Variants in ANKS1B observed in about 807,000 individuals in gnomAD.
ANKS1B encodes ankyrin repeat and sterile alpha motif domain containing 1B, also known as ankyrin repeat and sterile alpha motif domain-containing protein 1B.
A neutral mutation model predicts 148.3 loss-of-function variants in ANKS1B; 36 were observed. That is an observed-to-expected ratio of 0.24 (90% CI 0.19 to 0.32). The LOEUF (loss-of-function observed/expected upper bound fraction) is 0.32. Among genes scored for constraint, ANKS1B ranks in the 10% least tolerant of loss-of-function variants. ANKS1B has a pLI of 1.00. For missense variants in ANKS1B, 1,157 were observed against 1,542.6 expected (o/e 0.75, Z 4.19); for synonymous variants, 542 against 560.8 (o/e 0.97, Z 0.47).
chr12:99,312,029 G>T (rs1376692832), intron 12 of ANKS1B, among the ~76,000 whole-genome samples: 1 of 152,122 alleles, frequency 6.6e-6, no homozygotes, highest in Non-Finnish European at 1.5e-5. Context: ...GAAGCATTTG[G>T]AGAAATTTTA....
chr12:99,979,299 C>T (rs2095664918), intron 1 of ANKS1B, among the ~76,000 whole-genome samples: 1 of 151,980 alleles, frequency 6.6e-6, no homozygotes, highest in South Asian at 2.1e-4. Context: ...TCCTTTTTAG[C>T]TAAGTTTGAA....
chr12:99,019,200 T>C (rs2099944306), intron 17 of ANKS1B, among the ~76,000 whole-genome samples: 2 of 152,174 alleles, frequency 1.3e-5, no homozygotes, highest in Non-Finnish European at 2.9e-5. Context: ...CTCCAAAGAT[T>C]TGATCATTTT....
chr12:99,925,201 G>C (rs745670537), intron 1 of ANKS1B, among the ~76,000 whole-genome samples: 27 of 152,158 alleles, frequency 1.8e-4, no homozygotes, highest in Non-Finnish European at 3.8e-4. Flanking sequence ...AGCCCTAGGA[G>C]CCAAAAACAA....
chr12:99,405,528 A>G lies in ANKS1B; in HGVS notation c.1576-5717T>C, dbSNP rs2094510929. Among the ~76,000 whole-genome samples the G allele has an allele frequency of 1.4e-5, 2 of 145,606 alleles. 1 individual carries two copies. The highest frequency in any genetic ancestry group is 3.0e-5 in the Non-Finnish European group (2 of 65,898). On this transcript the variant is annotated intron_variant, in intron 11 of 26. Coordinates refer to ENST00000683438, the MANE Select transcript of ANKS1B (RefSeq NM_001352186.2). ...CAAGCCTTAAGGTAAATTCAAATTA[A>G]AAATCCTACAATAGATACATAAGAA...
At chr12:99,050,926 T>C (rs943588428) in intron 17 of ANKS1B, among the ~76,000 whole-genome samples, 2 of 151,752 alleles carry the variant, frequency 1.3e-5, no homozygotes, top group African/African-American at 2.4e-5. Context: ...TCTGATCTCC[T>C]GATGTTGTGA....
At chr12:99,269,165 C>G (rs1298451709) in intron 12 of ANKS1B, among the ~76,000 whole-genome samples, 1 of 152,150 alleles carries the variant, frequency 6.6e-6, no homozygotes, top group Non-Finnish European at 1.5e-5. Flanking sequence ...GATACCTTTG[C>G]AATTTGAAGT....
chr12:98,913,303 A>G (rs2099789225), intron 17 of ANKS1B, among the ~76,000 whole-genome samples: 1 of 152,134 alleles, frequency 6.6e-6, no homozygotes, highest in Admixed American at 6.5e-5. Flanking sequence ...TCCAGTTCCT[A>G]GCTTGGACCT....
intron 12 of ANKS1B, among the ~76,000 whole-genome samples, chr12:99,323,561 T>C (rs970616328): frequency 6.6e-6 from 1 of 152,212 alleles, no homozygotes; most frequent in Non-Finnish European, 1.5e-5. Flanking sequence ...TTTCATGTCT[T>C]ATTTAAACAT....
intron 19 of ANKS1B, among the ~76,000 whole-genome samples, chr12:98,812,581 TA>T (rs1032956240): frequency 2.0e-5 from 3 of 152,184 alleles, no homozygotes; most frequent in African/African-American, 4.8e-5. Flanking sequence ...ATTATTATTT[TA>T]TTTTTTTTGA....
At chr12:99,131,680 A>G (rs193264244) in intron 15 of ANKS1B, among the ~76,000 whole-genome samples, 342 of 152,316 alleles carry the variant, frequency 2.2e-3, no homozygotes, top group African/African-American at 8.0e-3. Flanking sequence ...AACTTCATTT[A>G]TAATGGGAAC....
chr12:98,735,003 C>T (rs1459442199), exon 10 of ANKS1B: 2 of 388,368 alleles, frequency 5.1e-6, no homozygotes, highest in Non-Finnish European at 9.1e-6. Flanking sequence ...ATCCCAGCTC[C>T]TTGGGAGGCT....
intron 1 of ANKS1B, among the ~76,000 whole-genome samples, chr12:99,963,746 C>T (rs902660347): frequency 1.3e-5 from 2 of 152,156 alleles, no homozygotes; most frequent in Non-Finnish European, 2.9e-5. Context: ...TGTCCTGGTT[C>T]ATTTGAAGCA....
At chr12:98,839,808 C>G (rs1478154007) in intron 17 of ANKS1B, among the ~76,000 whole-genome samples, 1 of 152,198 alleles carries the variant, frequency 6.6e-6, no homozygotes, top group African/African-American at 2.4e-5. Flanking sequence ...CACCTAAAGC[C>G]TTGCTTGCTC....
intron 10 of ANKS1B, among the ~76,000 whole-genome samples, chr12:99,485,640 C>G (rs1256796437): frequency 6.6e-6 from 1 of 152,090 alleles, no homozygotes; most frequent in Non-Finnish European, 1.5e-5. Context: ...AATATTTTCT[C>G]TTCTCTCTCA....
intron 12 of ANKS1B, among the ~76,000 whole-genome samples, chr12:99,388,857 G>A (rs1013878173): frequency 7.2e-5 from 11 of 152,130 alleles, no homozygotes; most frequent in African/African-American, 1.9e-4. Context: ...TTCTATGCCC[G>A]AAATTTAAGG....
chr12:99,432,099 G>C (rs994452735), intron 11 of ANKS1B, among the ~76,000 whole-genome samples: 6 of 152,104 alleles, frequency 3.9e-5, no homozygotes. Flanking sequence ...CTTTCCCTTT[G>C]ACCTTCTGCC....
At chr12:99,577,423 T>C (rs1160120066) in intron 9 of ANKS1B, among the ~76,000 whole-genome samples, 1 of 150,946 alleles carries the variant, frequency 6.6e-6, no homozygotes, top group Non-Finnish European at 1.5e-5. Flanking sequence ...AAATCCATAC[T>C]AAAGATCAAC....
At chr12:99,749,703 C>T (rs533572792) in intron 8 of ANKS1B, among the ~76,000 whole-genome samples, 4 of 151,996 alleles carry the variant, frequency 2.6e-5, no homozygotes, top group South Asian at 4.2e-4. Context: ...AAGGCCATTT[C>T]AAAGGAATAA....
At chr12:98,940,269 T>C (rs1416173985) in intron 17 of ANKS1B, among the ~76,000 whole-genome samples, 3 of 152,156 alleles carry the variant, frequency 2.0e-5, no homozygotes, top group African/African-American at 7.2e-5. Flanking sequence ...AGGGCAGTAG[T>C]GGCTTGTGTG....
Sources: gnomAD v4.1 joint callset for allele counts (sites outside exome capture counted in the v4.1 genomes callset) on GRCh38, gnomAD v4.1.1 for gene constraint, MANE v1.5 for transcripts, NCBI Gene and HGNC (gene_info 2026-07-23, HGNC 2026-07-21) for gene names.